Variants in GALNT13 observed in about 807,000 individuals in gnomAD.
GALNT13 encodes the protein UDP-GalNAc:polypeptide N-acetylgalactosaminyltransferase 13.
A neutral mutation model predicts 64.2 loss-of-function variants in GALNT13; 28 were observed. That is an observed-to-expected ratio of 0.44 (90% CI 0.32 to 0.60). The LOEUF is 0.60. GALNT13 is among the 20% of genes least tolerant of loss of function. The probability of loss-of-function intolerance (pLI) is 0.05; values close to 1 mark genes in which losing one functional copy is unlikely to be tolerated. For synonymous variants in GALNT13, 214 were observed against 224.6 expected (o/e 0.95, Z 0.42); for missense variants, 577 against 669.8 (o/e 0.86, Z 1.53).
chr2:154,153,110 G>A (rs1057380044), intron 4 of GALNT13, among the ~76,000 whole-genome samples: 3 of 152,084 alleles, frequency 2.0e-5, no homozygotes, highest in East Asian at 3.9e-4. Context: ...TGGGTTTTTG[G>A]TGTGGATGTC....
the GALNT13 span, chr2:153,478,161 CTG>C: frequency 1.6e-6 from 2 of 1,242,986 alleles, no homozygotes; most frequent in South Asian, 2.8e-5. Flanking sequence ...CGCCCAGTCT[CTG>C]ATAGTGAGGG....
the GALNT13 span, among the ~76,000 whole-genome samples, chr2:153,830,984 A>G: frequency 2.0e-5 from 3 of 152,210 alleles, no homozygotes; most frequent in African/African-American, 2.4e-5. Flanking sequence ...AGTGTTATAC[A>G]TAAGAAAAGA....
chr2:154,282,361 A>G (rs922547617), intron 8 of GALNT13, among the ~76,000 whole-genome samples: 101 of 152,220 alleles, frequency 6.6e-4, no homozygotes, highest in African/African-American at 2.3e-3. Flanking sequence ...TATTTTTATT[A>G]TATTCTTTTA....
chr2:154,352,832 T>A (rs1410305886), intron 9 of GALNT13, among the ~76,000 whole-genome samples: 1 of 152,186 alleles, frequency 6.6e-6, no homozygotes. Flanking sequence ...TAGCCTCTCC[T>A]TGGTTTCTGT....
chr2:153,612,841 A>G, the GALNT13 span, among the ~76,000 whole-genome samples: 701 of 152,294 alleles, frequency 4.6e-3, 4 homozygotes, highest in African/African-American at 0.016. Flanking sequence ...TTCATTACGT[A>G]TATATGGTAC....
chr2:153,611,994 A>G, the GALNT13 span, among the ~76,000 whole-genome samples: 1 of 151,796 alleles, frequency 6.6e-6, no homozygotes, highest in Non-Finnish European at 1.5e-5. Flanking sequence ...GCTGAGGATG[A>G]TGGTTTCCAG....
chr2:153,512,766 GATT>G, the GALNT13 span, among the ~76,000 whole-genome samples: 6,508 of 152,194 alleles, frequency 0.043, 539 homozygotes, highest in East Asian at 0.39. Flanking sequence ...GGGTAAAAAA[GATT>G]ATTATTGTTG....
intron 9 of GALNT13, among the ~76,000 whole-genome samples, chr2:154,347,930 G>A (rs1696164230): frequency 6.6e-6 from 1 of 152,144 alleles, no homozygotes; most frequent in South Asian, 2.1e-4. Flanking sequence ...CCTGGACTGT[G>A]ATATTTGGAA....
chr2:154,358,259 C>A (rs1696861783), intron 9 of GALNT13, among the ~76,000 whole-genome samples: 1 of 152,078 alleles, frequency 6.6e-6, no homozygotes, highest in East Asian at 1.9e-4. Flanking sequence ...TTTAGCAACA[C>A]ACATCTTAGA....
the GALNT13 span, among the ~76,000 whole-genome samples, chr2:153,359,798 C>G: frequency 6.6e-6 from 1 of 151,826 alleles, no homozygotes; most frequent in Non-Finnish European, 1.5e-5. Context: ...ATTAAAGATG[C>G]TAATGGAAAA....
chr2:153,435,212 G>A, the GALNT13 span, among the ~76,000 whole-genome samples: 15 of 152,156 alleles, frequency 9.9e-5, no homozygotes, highest in African/African-American at 1.4e-4. Flanking sequence ...CCAGTACCAT[G>A]CTGTTTTGGT....
the GALNT13 span, among the ~76,000 whole-genome samples, chr2:153,088,719 A>T: frequency 5.3e-5 from 8 of 152,008 alleles, no homozygotes; most frequent in Admixed American, 1.3e-4. Context: ...TATTGTTATT[A>T]TGTCCCTCCT....
chr2:153,431,405 T>C, the GALNT13 span, among the ~76,000 whole-genome samples: 2 of 151,460 alleles, frequency 1.3e-5, no homozygotes, highest in South Asian at 4.2e-4. Flanking sequence ...ATGACCATCC[T>C]AAAATTGAGC....
chr2:153,709,880 G>A, the GALNT13 span, among the ~76,000 whole-genome samples: 1 of 151,888 alleles, frequency 6.6e-6, no homozygotes, highest in Admixed American at 6.6e-5. Context: ...AATAACCTAG[G>A]CACGGAAAGA....
At chr2:154,436,235 A>T (rs536015205) in intron 11 of GALNT13, 1 of 152,208 alleles carries the variant, frequency 6.6e-6, no homozygotes, top group African/African-American at 2.4e-5. Flanking sequence ...ATATACACAT[A>T]TAAGTGCAGA....
the GALNT13 span, among the ~76,000 whole-genome samples, chr2:153,354,985 C>A: frequency 6.6e-6 from 1 of 152,160 alleles, no homozygotes; most frequent in East Asian, 1.9e-4. Flanking sequence ...ATTTTCTGAA[C>A]TGAAATGTTC....
chr2:153,636,960 T>C, the GALNT13 span, among the ~76,000 whole-genome samples: 1 of 152,092 alleles, frequency 6.6e-6, no homozygotes, highest in African/African-American at 2.4e-5. Flanking sequence ...GTCAAGGTGA[T>C]AGTATGAATT....
chr2:153,145,334 C>T, the GALNT13 span, among the ~76,000 whole-genome samples: 81 of 151,598 alleles, frequency 5.3e-4, 1 homozygote, highest in Non-Finnish European at 7.5e-4. Context: ...ACTATAATGC[C>T]GAAAAAGAAG....
chr2:154,404,796 T>A (rs547172839), intron 10 of GALNT13, among the ~76,000 whole-genome samples: 1 of 151,794 alleles, frequency 6.6e-6, no homozygotes, highest in East Asian at 1.9e-4. Flanking sequence ...ATGGGTGAGG[T>A]AAATGGGGTC....
Sources: gnomAD v4.1 joint callset for allele counts (sites outside exome capture counted in the v4.1 genomes callset) on GRCh38, gnomAD v4.1.1 for gene constraint, MANE v1.5 for transcripts, NCBI Gene and HGNC (gene_info 2026-07-23, HGNC 2026-07-21) for gene names.